Variants in C12orf75 observed in about 807,000 individuals in gnomAD.
C12orf75 encodes overexpressed in colon carcinoma 1 protein.
C12orf75 carries 4 observed loss-of-function variants against 11.4 expected under a neutral mutation model. The ratio of observed to expected loss-of-function variants is 0.35; its 90% confidence interval spans 0.17 to 0.80. The LOEUF (loss-of-function observed/expected upper bound fraction) is 0.80. Ranked by LOEUF, C12orf75 falls within the 30% of genes least tolerant of loss-of-function variation. The probability of loss-of-function intolerance (pLI) is 0.52; values close to 1 mark genes in which losing one functional copy is unlikely to be tolerated. For synonymous variants in C12orf75, 30 were observed against 30.0 expected (o/e 1.00, Z 0.00); for missense variants, 89 against 80.4 (o/e 1.11, Z -0.41).
chr12:105,354,281 GATAAT>G lies in C12orf75; in HGVS notation c.71+5662_71+5666del, dbSNP rs370851401. Among the ~76,000 whole-genome samples, 200 of 152,276 alleles carry G rather than the reference GATAAT, an allele frequency of 1.3e-3. 1 individual carries two copies. Among genetic ancestry groups the G allele is most frequent in the Non-Finnish European group, 2.4e-3 (165 of 68,022 alleles). On this transcript the variant is annotated intron_variant, in intron 2 of 5. Coordinates refer to ENST00000443585, the MANE Select transcript of C12orf75 (RefSeq NM_001145199.2). The stretch of plus-strand genomic sequence containing the variant: ...TTAGTATAATTATCTGTGAAATTGG[GATAAT>G]ATAATAACTGTGCAGGGTGATCATC...
intron 5 of C12orf75, among the ~76,000 whole-genome samples, chr12:105,370,092 TTA>T (rs768085745): frequency 1.3e-5 from 2 of 152,228 alleles, no homozygotes; most frequent in Non-Finnish European, 2.9e-5. Context: ...TTAAAATTAC[TTA>T]TGTCAGGATG....
intron 1 of C12orf75, among the ~76,000 whole-genome samples, chr12:105,334,219 C>G (rs1459099278): frequency 1.3e-5 from 2 of 152,198 alleles, no homozygotes; most frequent in Non-Finnish European, 2.9e-5. Context: ...TATGTGGGAC[C>G]TCCTCTGCTG....
At chr12:105,366,492 A>G in intron 3 of C12orf75, 125 bp from the exon 4 acceptor site, 1 of 456,022 alleles carries the variant, frequency 2.2e-6, no homozygotes. Flanking sequence ...AATATTCTAG[A>G]TTCTACTTTT....
rs1321970313 is a variant in C12orf75, at chr12:105,366,641, C to T, written c.132C>T (p.Gly44=). ...GAAACTATGGAGGAGTATATGTTGG[C>T]CTACCATCTGAAGCTGTCAATATGG... ...KRRNYGGVYV[G]LPSEAVNMVS... The change falls in exon 4 of 6, where the codon GGC becomes GGT. Residue 44 remains glycine (G), a synonymous_variant. Coordinates refer to ENST00000443585, the MANE Select transcript of C12orf75 (RefSeq NM_001145199.2). The T allele has an allele frequency of 6.5e-7, 1 of 1,540,028 alleles. No homozygotes were observed. Among genetic ancestry groups the T allele is most frequent in the East Asian group, 2.5e-5 (1 of 40,766 alleles).
intron 2 of C12orf75, among the ~76,000 whole-genome samples, chr12:105,356,291 C>T (rs1337102514): frequency 6.6e-6 from 1 of 151,926 alleles, no homozygotes; most frequent in African/African-American, 2.4e-5. Flanking sequence ...AAACCTATTC[C>T]AGAAGGTTAT....
chr12:105,353,410 A>G (rs1390563573), intron 2 of C12orf75: 10 of 152,192 alleles, frequency 6.6e-5, no homozygotes, highest in Admixed American at 6.5e-4. Context: ...CTATCTCGGA[A>G]TCAGTCAGTG....
At chr12:105,365,443 C>T (rs1264344000) in intron 2 of C12orf75, among the ~76,000 whole-genome samples, 1 of 152,162 alleles carries the variant, frequency 6.6e-6, no homozygotes, top group East Asian at 1.9e-4. Flanking sequence ...TGGCAGCTCG[C>T]CCACAGCCTG....
intron 2 of C12orf75, among the ~76,000 whole-genome samples, chr12:105,361,469 C>G (rs935563542): frequency 5.3e-5 from 8 of 152,108 alleles, no homozygotes; most frequent in African/African-American, 1.4e-4. Context: ...AATTTAACAT[C>G]CCAGTTTTGA....
chr12:105,363,029 G>A (rs2136151031), intron 2 of C12orf75, among the ~76,000 whole-genome samples: 1 of 152,360 alleles, frequency 6.6e-6, no homozygotes, highest in East Asian at 1.9e-4. Flanking sequence ...CACTACGTTG[G>A]TCTTTCACAG....
Position 105,370,668 on chromosome 12 carries a change from G to A in C12orf75, c.*68G>A, listed in dbSNP as rs1871600543. On this transcript the variant is annotated 3_prime_UTR_variant, in exon 6 of 6. Transcript: ENST00000443585. ...CAGTTTGGAAGGAATTTGGCTCCGT[G>A]GGACGTTGTAATGTGCACAGACATT... 1 of 457,602 alleles carries A rather than the reference G, an allele frequency of 2.2e-6. No individual in the cohort carries two copies. The highest frequency in any genetic ancestry group is 4.4e-6 in the Non-Finnish European group (1 of 226,804). 28.3% of individuals were successfully genotyped at this position (457,602 alleles called of 1,614,324 possible). A position where few individuals can be genotyped will look rare whatever the true frequency, so the allele number is the denominator to read the frequency against.
intron 2 of C12orf75, among the ~76,000 whole-genome samples, chr12:105,352,159 G>C (rs191972124): frequency 3.9e-5 from 6 of 152,226 alleles, no homozygotes; most frequent in Non-Finnish European, 8.8e-5. Flanking sequence ...CAAGGGAAGC[G>C]ATGGCTGATA....
chr12:105,360,372 G>A (rs766532047), intron 2 of C12orf75, among the ~76,000 whole-genome samples: 25 of 152,240 alleles, frequency 1.6e-4, no homozygotes, highest in Non-Finnish European at 3.1e-4. Flanking sequence ...GGCTCATCCA[G>A]GAGCTTATGT....
At chr12:105,353,505 T>TACC (rs2136146961) in intron 2 of C12orf75, 1 of 152,248 alleles carries the variant, frequency 6.6e-6, no homozygotes, top group East Asian at 1.9e-4. Flanking sequence ...AGCCCCACCT[T>TACC]ACCATATGGC....
intron 3 of C12orf75, 142 bp downstream of exon 3, chr12:105,365,984 T>G: frequency 1.4e-6 from 1 of 694,986 alleles, no homozygotes; most frequent in South Asian, 1.7e-5. Context: ...GGGCATATGG[T>G]CTGAAAAAGA....
rs748717183 is a variant in C12orf75, at chr12:105,366,691, G to A, written c.182G>A (p.Arg61Gln). Residue 61 changes from arginine to glutamine, a missense_variant, in exon 4 of 6, where the codon CGG (arginine) becomes CAG (glutamine). Coordinates refer to ENST00000443585, the MANE Select transcript of C12orf75 (RefSeq NM_001145199.2). ...NMVSSQTKTV[R>Q]KN ...GTGTCCAGTCAAACAAAGACGGTTC[G>A]GAAAAGTAAGTGAAATCATGTGCTG... 7.9e-6 allele frequency: 12 copies of A among 1,513,790 alleles called. No homozygotes were observed. Among genetic ancestry groups the A allele is most frequent in the South Asian group, 2.4e-5 (2 of 82,996 alleles). 93.8% of individuals were successfully genotyped at this position (1,513,790 alleles called of 1,614,324 possible).
At chr12:105,345,354 G>A (rs1338215017) in intron 1 of C12orf75, among the ~76,000 whole-genome samples, 1 of 151,956 alleles carries the variant, frequency 6.6e-6, no homozygotes, top group Non-Finnish European at 1.5e-5. Context: ...GCCAGGCGTG[G>A]TGGTGCACGC....
chr12:105,340,708 A>G (rs1227033541), intron 1 of C12orf75, among the ~76,000 whole-genome samples: 1 of 152,190 alleles, frequency 6.6e-6, no homozygotes, highest in Admixed American at 6.5e-5. Context: ...TTATTTGGAT[A>G]AAGGATCTTT....
Position 105,366,667 on chromosome 12 carries a change from T to C in C12orf75, c.158T>C (p.Val53Ala). 1 of 1,542,070 alleles carries C rather than the reference T, an allele frequency of 6.5e-7. No homozygotes were observed. ...VGLPSEAVNM[V>A]SSQTKTVRKN is the part of the protein sequence containing the mutation. ...CTACCATCTGAAGCTGTCAATATGGTGTCCAGTCAAACAAAGACGGTTCGG... is the reference window on the plus strand; with the variant it reads ...CTACCATCTGAAGCTGTCAATATGGCGTCCAGTCAAACAAAGACGGTTCGG... The change falls in exon 4 of 6, where the codon GTG becomes GCG. Residue 53 changes from valine (V) to alanine (A), a missense_variant. Coordinates refer to ENST00000443585, the MANE Select transcript of C12orf75 (RefSeq NM_001145199.2).
rs1275945088 is a variant in C12orf75, at chr12:105,370,906, GACA to G, written c.*310_*312del. 3.7e-5 allele frequency: 12 copies of G among 320,732 alleles called. No homozygotes were observed. Among genetic ancestry groups the G allele is most frequent in the East Asian group, 3.0e-4 (4 of 13,204 alleles). 19.9% of individuals were successfully genotyped at this position (320,732 alleles called of 1,614,324 possible). Reference sequence around the variant, plus strand: ...TGCCCAGCCAGGGCCGCTGCATTTTGACAACATTTCCACCCTGGCCACTCAGCA... The same window carrying G: ...TGCCCAGCCAGGGCCGCTGCATTTTGACATTTCCACCCTGGCCACTCAGCA... On this transcript the variant is annotated 3_prime_UTR_variant, in exon 6 of 6. Coordinates refer to ENST00000443585, the MANE Select transcript of C12orf75 (RefSeq NM_001145199.2).
Sources: gnomAD v4.1 joint callset for allele counts (sites outside exome capture counted in the v4.1 genomes callset) on GRCh38, gnomAD v4.1.1 for gene constraint, MANE v1.5 for transcripts, NCBI Gene and HGNC (gene_info 2026-07-23, HGNC 2026-07-21) for gene names.